The following PIN4 variants were observed in gnomAD, a reference collection of about 807,000 sequenced individuals.
PIN4 encodes peptidyl-prolyl cis-trans isomerase NIMA-interacting 4.
A neutral mutation model predicts 8.3 loss-of-function variants in PIN4; 3 were observed. The ratio of observed to expected loss-of-function variants is 0.36; its 90% CI spans 0.16 to 0.93. The LOEUF (loss-of-function observed/expected upper bound fraction) is 0.93. Among genes scored for constraint, PIN4 ranks in the 40% least tolerant of loss-of-function variants. The probability of loss-of-function intolerance (pLI) is 0.44; values close to 1 mark genes in which losing one functional copy is unlikely to be tolerated. For synonymous variants in PIN4, 18 were observed against 32.5 expected, an observed-to-expected ratio of 0.55 and a Z score of 1.52; for missense variants, 75 against 100.6, an observed-to-expected ratio of 0.75 and a Z score of 1.09.
At chrX:72,245,187 G>A (rs1162652534) in intron 3 of PIN4, among the ~76,000 whole-genome samples, 1 of 106,070 alleles carries the variant, frequency 9.4e-6, no homozygotes, top group African/African-American at 3.4e-5. Context: ...GTCTCACTCT[G>A]TTGCCCAGGC....
At chrX:72,210,667 A>G (rs1162264352) in intron 3 of PIN4, among the ~76,000 whole-genome samples, 2 of 111,281 alleles carry the variant, frequency 1.8e-5, no homozygotes, top group Admixed American at 9.6e-5. Flanking sequence ...CACACACGCC[A>G]GCCTTTTAAA....
At chrX:72,208,256 T>C in intron 3 of PIN4, 2 of 1,211,902 alleles carry the variant, frequency 1.7e-6, no homozygotes, top group East Asian at 3.0e-5. Context: ...TTGACTCTCA[T>C]TCCTGGAGTC....
intron 3 of PIN4, chrX:72,207,959 G>A (rs2042830116): frequency 8.3e-7 from 1 of 1,209,395 alleles, no homozygotes; most frequent in African/African-American, 1.8e-5. Flanking sequence ...AAATCAAATA[G>A]GGACCATAGT....
chrX:72,188,444 G>A (rs778843873), intron 2 of PIN4, among the ~76,000 whole-genome samples: 3 of 110,429 alleles, frequency 2.7e-5, no homozygotes, highest in East Asian at 5.7e-4. Flanking sequence ...TGCGACCTCC[G>A]CCTCCCAGGT....
Position 72,229,900 on chromosome X carries a change from T to C in PIN4, c.313-32807T>C, listed in dbSNP as rs182528603. ...GACACAGCCCCAAGCCTTATAAAAG[T>C]CCAAGACCTTGGCCAGGCACGGTGG... On this transcript the variant is annotated intron_variant, in intron 3 of 3. Coordinates refer to the PIN4 transcript ENST00000423432. Among the ~76,000 whole-genome samples, 714 of 111,886 alleles carry C rather than the reference T, an allele frequency of 6.4e-3. 10 individuals carry two copies. Among genetic ancestry groups the C allele is most frequent in the African/African-American group, 0.022 (681 of 30,853 alleles).
chrX:72,185,656 T>G (rs1381778920), intron 1 of PIN4, among the ~76,000 whole-genome samples: 1 of 112,209 alleles, frequency 8.9e-6, no homozygotes, highest in Non-Finnish European at 1.9e-5. Context: ...TAGCAGTATG[T>G]AGGCTGCCAT....
chrX:72,196,998 CCACAGAAGAAA>C, intron 3 of PIN4, 94 bp downstream of exon 3: 1 of 798,901 alleles, frequency 1.3e-6, no homozygotes, highest in Non-Finnish European at 1.8e-6. Context: ...TCTCCATCCT[CCACAGAAGAAA>C]CACAGAAGTA....
intron 3 of PIN4, among the ~76,000 whole-genome samples, chrX:72,229,260 C>A (rs994755394): frequency 9.0e-6 from 1 of 111,391 alleles, no homozygotes; most frequent in African/African-American, 3.3e-5. Context: ...CTCTGACCAT[C>A]AAACTAACCG....
chrX:72,224,757 A>G (rs112918209), intron 3 of PIN4, among the ~76,000 whole-genome samples: 2,874 of 111,107 alleles, frequency 0.026, 57 homozygotes, highest in Non-Finnish European at 0.038. Context: ...AAACAAACAA[A>G]CAAACAAAAA....
At position 72,249,618 on chromosome X, in the gene PIN4, G is replaced by T. The variant is rs138689592; in HGVS notation, c.313-13089G>T. Among the ~76,000 whole-genome samples, 493 of 111,842 alleles carry T rather than the reference G, an allele frequency of 4.4e-3. 2 individuals carry two copies. The highest frequency in any genetic ancestry group is 0.015 in the African/African-American group (455 of 30,782). On this transcript the variant is annotated intron_variant, in intron 3 of 3. Coordinates refer to the PIN4 transcript ENST00000423432. Reference sequence around the variant, plus strand: ...AAAGAAATGAACTACTGATCCTCAGGGCAGTAGGATGAACCTCAAGGGCAT... The same window carrying T: ...AAAGAAATGAACTACTGATCCTCAGTGCAGTAGGATGAACCTCAAGGGCAT...
rs1342662853 is a variant in PIN4 at position 72,256,889 on chromosome X, A to G, written c.313-5818A>G. Among the ~76,000 whole-genome samples, 5 of 112,430 alleles carry G rather than the reference A, an allele frequency of 4.4e-5. No homozygotes were observed. The Admixed American group carries it at 4.7e-4, about 11-fold the overall frequency. On this transcript the variant is annotated intron_variant, in intron 3 of 3. Coordinates refer to the PIN4 transcript ENST00000423432. ...GCTCTGGCATGTTGGAGGAATAGCA[A>G]CTAGTCCAGGGTAGCTGGAACAGAG...
intron 3 of PIN4, 47 bp downstream of exon 3, chrX:72,196,951 A>G (rs2042769788): frequency 9.5e-7 from 1 of 1,055,863 alleles, no homozygotes; most frequent in African/African-American, 1.9e-5. Context: ...GTAAGAAAGC[A>G]AAGTAAAAAT....
rs761255706 is a variant in PIN4, at chrX:72,259,724, CTTT to C, written c.313-2961_313-2959del. Among the ~76,000 whole-genome samples, 15 of 69,043 alleles carry C rather than the reference CTTT, an allele frequency of 2.2e-4. No individual in the cohort carries two copies. The East Asian group carries it at 3.6e-3, about 16-fold the overall frequency. The allele number at this position is 69,043 out of a possible 115,157, so 60.0% of individuals were successfully genotyped here. ...GGTACTCTGGCACAGAGGCCATATCCTTTTTTTTTTTTTTTTTTTTTTTTGAGA... is the reference window on the plus strand; with the variant it reads ...GGTACTCTGGCACAGAGGCCATATCCTTTTTTTTTTTTTTTTTTTTTGAGA... On this transcript the variant is annotated intron_variant, in intron 3 of 3. Transcript: ENST00000423432.
intron 3 of PIN4, among the ~76,000 whole-genome samples, chrX:72,250,269 A>G (rs925434379): frequency 3.6e-5 from 4 of 110,493 alleles, no homozygotes; most frequent in Non-Finnish European, 7.6e-5. Context: ...GGTCAATTTT[A>G]TGTTATGTAA....
At chrX:72,198,525 A>G (rs2147577052), downstream of PIN4, among the ~76,000 whole-genome samples, 1 of 112,389 alleles carries the variant, frequency 8.9e-6, no homozygotes, top group East Asian at 2.8e-4. Flanking sequence ...CAGATATGCC[A>G]GTGTATACAG....
At chrX:72,226,045 C>T (rs1030526620) in intron 3 of PIN4, among the ~76,000 whole-genome samples, 3 of 111,599 alleles carry the variant, frequency 2.7e-5, no homozygotes, top group Non-Finnish European at 3.8e-5. Flanking sequence ...AGCCATAAGG[C>T]GCTAAGCTCC....
rs922320633 is a variant in PIN4 at position 72,197,281 on chromosome X, C to G, written c.238-87C>G. The G allele has an allele frequency of 3.4e-6, 3 of 883,420 alleles. No individual in the cohort carries two copies. In the African/African-American group the frequency reaches 6.0e-5, roughly 18 times the overall value. The allele number at this position is 883,420 out of a possible 1,213,427, so 72.8% of individuals were successfully genotyped here. ...TTAGGAATATACCTCGTAACCTTAG[C>G]AAAATGTTGGGAAATTCTCTCAAGC... On this transcript the variant is annotated intron_variant, in intron 3 of 3. Transcript: ENST00000373669.
chrX:72,259,215 C>CTT (rs3038606), intron 3 of PIN4, among the ~76,000 whole-genome samples: 7 of 90,623 alleles, frequency 7.7e-5, no homozygotes, highest in Admixed American at 2.5e-4. Context: ...GAGTTTACTA[C>CTT]TTTTTTTTTT....
intron 3 of PIN4, among the ~76,000 whole-genome samples, chrX:72,242,636 G>A (rs1213675969): frequency 2.7e-5 from 3 of 112,364 alleles, no homozygotes; most frequent in Non-Finnish European, 5.6e-5. Flanking sequence ...ACTTTACATC[G>A]ATTAATTATC....
Sources: gnomAD v4.1 joint callset for allele counts (sites outside exome capture counted in the v4.1 genomes callset) on GRCh38, gnomAD v4.1.1 for gene constraint, MANE v1.5 for transcripts, NCBI Gene and HGNC (gene_info 2026-07-23, HGNC 2026-07-21) for gene names.